CDKL3: variants seen among roughly 807,000 people sequenced by gnomAD.
The protein encoded by CDKL3 is cyclin dependent kinase like 3, also known as cyclin-dependent kinase-like 3.
CDKL3 carries 65 observed loss-of-function variants against 69.3 expected under a neutral mutation model. The ratio of observed to expected loss-of-function variants is 0.94; its 90% CI spans 0.77 to 1.15. CDKL3 has a LOEUF of 1.15. Among genes scored for constraint, CDKL3 ranks in the 50% most tolerant of loss-of-function variants. The pLI is 0.00. For missense variants in CDKL3, 652 were observed against 689.2 expected, an observed-to-expected ratio of 0.95 and a Z score of 0.61; for synonymous variants, 202 against 221.6, an observed-to-expected ratio of 0.91 and a Z score of 0.79.
intron 1 of CDKL3, 46 bp from the exon 2 acceptor site, chr5:134,366,590 A>G (rs1561664043): frequency 1.2e-5 from 15 of 1,209,400 alleles, no homozygotes; most frequent in South Asian, 1.1e-4. Context: ...AAACGTTTAT[A>G]CTTTTATTTA....
intron 6 of CDKL3, among the ~76,000 whole-genome samples, chr5:134,318,769 G>C (rs953176515): frequency 2.5e-4 from 38 of 152,006 alleles, no homozygotes; most frequent in African/African-American, 9.2e-4. Context: ...ACACACATAA[G>C]CCACCCTGCC....
At chr5:134,310,261 C>G (rs1769058410) in intron 7 of CDKL3, among the ~76,000 whole-genome samples, 1 of 152,126 alleles carries the variant, frequency 6.6e-6, no homozygotes, top group Non-Finnish European at 1.5e-5. Context: ...TCTCCACTCA[C>G]TGCAAGCTCT....
At chr5:134,324,306 T>C (rs1773545926) in intron 4 of CDKL3, among the ~76,000 whole-genome samples, 1 of 152,244 alleles carries the variant, frequency 6.6e-6, no homozygotes, top group Non-Finnish European at 1.5e-5. Flanking sequence ...AAGCTAAACA[T>C]AGTCTTACCA....
intron 4 of CDKL3, among the ~76,000 whole-genome samples, chr5:134,349,545 G>A (rs954723077): frequency 1.3e-5 from 2 of 152,230 alleles, no homozygotes; most frequent in Non-Finnish European, 2.9e-5. Flanking sequence ...AAACTCGGCA[G>A]TTCCTACTGC....
chr5:134,358,955 A>T (rs1755297166), intron 3 of CDKL3, among the ~76,000 whole-genome samples: 1 of 152,122 alleles, frequency 6.6e-6, no homozygotes, highest in South Asian at 2.1e-4. Flanking sequence ...TGCCTGACAC[A>T]GTTTAAATGC....
chr5:134,299,508 C>A, intron 12 of CDKL3: 5 of 1,199,078 alleles, frequency 4.2e-6, no homozygotes, highest in East Asian at 2.9e-5. Context: ...ATTAAGAAAA[C>A]ATGAATAATT....
At chr5:134,371,584 C>A (rs371691768), upstream of CDKL3, 22 of 1,612,090 alleles carry the variant, frequency 1.4e-5, no homozygotes, top group South Asian at 2.2e-5. Flanking sequence ...GACCGCGGGG[C>A]AGCTGCGGAG....
intron 12 of CDKL3, chr5:134,299,788 A>G: frequency 7.5e-7 from 1 of 1,331,722 alleles, no homozygotes; most frequent in Non-Finnish European, 1.0e-6. Context: ...AATTGAGGAC[A>G]TGGTGAGTCT....
intron 4 of CDKL3, among the ~76,000 whole-genome samples, chr5:134,323,611 T>C (rs1773367842): frequency 6.6e-6 from 1 of 152,096 alleles, no homozygotes; most frequent in Non-Finnish European, 1.5e-5. Context: ...GGCAATTGAA[T>C]AATAAGATAA....
intron 4 of CDKL3, among the ~76,000 whole-genome samples, chr5:134,324,987 C>T (rs1245573382): frequency 6.6e-6 from 1 of 152,164 alleles, no homozygotes; most frequent in Non-Finnish European, 1.5e-5. Flanking sequence ...GAGCCTAAAA[C>T]TGGTCTAAAA....
chr5:134,371,263 C>T (rs966632177), upstream of CDKL3: 2 of 413,668 alleles, frequency 4.8e-6, no homozygotes, highest in Non-Finnish European at 8.8e-6. Context: ...GTCTTTGAAT[C>T]CACAACCTCT....
intron 10 of CDKL3, 96 bp from the exon 11 acceptor site, chr5:134,304,663 G>A: frequency 1.2e-6 from 1 of 831,226 alleles, no homozygotes; most frequent in Non-Finnish European, 1.8e-6. Flanking sequence ...GTATAAGATA[G>A]ACATAACAAT....
intron 4 of CDKL3, among the ~76,000 whole-genome samples, chr5:134,326,843 A>ATGTGTG (rs1774455212): frequency 7.8e-6 from 1 of 128,670 alleles, no homozygotes; most frequent in African/African-American, 3.6e-5. Context: ...ATATATATAT[A>ATGTGTG]TATATATATA....
downstream of CDKL3, among the ~76,000 whole-genome samples, chr5:134,295,874 A>T (rs1765323561): frequency 6.6e-6 from 1 of 152,116 alleles, no homozygotes; most frequent in Non-Finnish European, 1.5e-5. Flanking sequence ...TGGAACTAGG[A>T]AACTAGAAGA....
downstream of CDKL3, among the ~76,000 whole-genome samples, chr5:134,294,935 T>G (rs987678616): frequency 5.9e-5 from 9 of 151,508 alleles, no homozygotes; most frequent in Non-Finnish European, 4.4e-5. Context: ...TATAAAATAT[T>G]GAGGAGGAAA....
chr5:134,307,902 A>G (rs1768315115), intron 9 of CDKL3: 1 of 522,992 alleles, frequency 1.9e-6, no homozygotes, highest in South Asian at 7.0e-5. Flanking sequence ...CTTTTTTTTT[A>G]ATAAGGTTTT....
In CDKL3 at chr5:134,298,592, T is replaced by C; in HGVS notation, c.*59A>G. ...ACTCACATCACACTTCTATTGTAGATAAATAAAACGGGAAGAGTTGTCATC... is the reference window on the plus strand; with the variant it reads ...ACTCACATCACACTTCTATTGTAGACAAATAAAACGGGAAGAGTTGTCATC... On this transcript the variant is annotated 3_prime_UTR_variant, in exon 13 of 13. Coordinates refer to ENST00000265334, the MANE Select transcript of CDKL3 (RefSeq NM_001113575.2). The C allele has an allele frequency of 1.3e-6, 2 of 1,592,480 alleles. No homozygotes were observed. Among genetic ancestry groups the C allele is most frequent in the Non-Finnish European group, 1.7e-6 (2 of 1,171,842 alleles).
chr5:134,341,897 A>G (rs933161102), intron 4 of CDKL3, among the ~76,000 whole-genome samples: 1 of 152,252 alleles, frequency 6.6e-6, no homozygotes, highest in African/African-American at 2.4e-5. Flanking sequence ...TACATAAATC[A>G]GACACCATCT....
chr5:134,297,890 TTGTGTGTGTGTGTG>T (rs528154005), downstream of CDKL3, among the ~76,000 whole-genome samples: 154 of 105,192 alleles, frequency 1.5e-3, no homozygotes, highest in African/African-American at 4.7e-3. Flanking sequence ...CATGAATAGT[TTGTGTGTGTGTGTG>T]TGTGTGTGTG....
Sources: allele counts gnomAD v4.1 joint callset (sites outside exome capture counted in the v4.1 genomes callset), GRCh38; gene constraint gnomAD v4.1.1; transcripts MANE v1.5; gene names NCBI Gene and HGNC (gene_info 2026-07-23, HGNC 2026-07-21).